Variants in FOXN3 observed in about 807,000 individuals in gnomAD.
FOXN3 encodes forkhead box protein N3.
In FOXN3, 7 loss-of-function variants were observed where a neutral mutation model predicts 38.4. The ratio of observed to expected loss-of-function variants is 0.18; its 90% CI spans 0.10 to 0.34. The LOEUF is 0.34. Among genes scored for constraint, FOXN3 ranks in the 10% least tolerant of loss-of-function variants. The pLI is 1.00. For synonymous variants in FOXN3, 230 were observed against 242.2 expected (o/e 0.95, Z 0.47); for missense variants, 456 against 613.4 (o/e 0.74, Z 2.71).
chr14:89,260,353 C>T (rs574275583), intron 4 of FOXN3, among the ~76,000 whole-genome samples: 119 of 152,366 alleles, frequency 7.8e-4, no homozygotes, highest in African/African-American at 2.7e-3. Flanking sequence ...CCCGGTGAGG[C>T]CAGGTCTCTG....
chr14:89,404,276 G>A (rs1166308790), intron 2 of FOXN3, among the ~76,000 whole-genome samples: 2 of 151,690 alleles, frequency 1.3e-5, no homozygotes, highest in African/African-American at 4.8e-5. Flanking sequence ...TTGGGAGGCC[G>A]AGGCGGGCAG....
At chr14:89,475,084 G>A (rs912006669) in intron 1 of FOXN3, among the ~76,000 whole-genome samples, 5 of 152,124 alleles carry the variant, frequency 3.3e-5, no homozygotes, top group Admixed American at 2.0e-4. Context: ...TAAGTGCTGG[G>A]ATTACAGGCG....
At chr14:89,311,641 C>A (rs866947169) in intron 3 of FOXN3, among the ~76,000 whole-genome samples, 5 of 150,544 alleles carry the variant, frequency 3.3e-5, no homozygotes, top group South Asian at 2.1e-4. Flanking sequence ...CCTGGCTAAC[C>A]GGATGAAACC....
chr14:89,282,045 T>C (rs1183440973), intron 3 of FOXN3, among the ~76,000 whole-genome samples: 1 of 152,110 alleles, frequency 6.6e-6, no homozygotes, highest in African/African-American at 2.4e-5. Flanking sequence ...TCTCTAGTTA[T>C]CTAGGACAGC....
intron 1 of FOXN3, among the ~76,000 whole-genome samples, chr14:89,528,554 G>T (rs187578918): frequency 0.026 from 3,913 of 151,870 alleles, 86 homozygotes; most frequent in Non-Finnish European, 0.044. Context: ...GTGCCACCAT[G>T]CCTGGCTAAT....
intron 2 of FOXN3, among the ~76,000 whole-genome samples, chr14:89,364,229 T>G (rs1890058930): frequency 6.9e-6 from 1 of 145,870 alleles, no homozygotes; most frequent in Non-Finnish European, 1.5e-5. Context: ...CATAACAAGA[T>G]CGACAATTAC....
intron 1 of FOXN3, among the ~76,000 whole-genome samples, chr14:89,555,838 G>GGTGTGTGTGTGTGTGTGT (rs201016882): frequency 0.011 from 1,016 of 89,630 alleles, 75 homozygotes; most frequent in African/African-American, 0.017. Context: ...TCTAGTTCAT[G>GGTGTGTGTGTGTGTGTGT]GTGTGTGTGT....
At chr14:89,345,226 C>T (rs1349868577) in intron 3 of FOXN3, among the ~76,000 whole-genome samples, 2 of 152,134 alleles carry the variant, frequency 1.3e-5, no homozygotes, top group Non-Finnish European at 2.9e-5. Context: ...AGCAAGAGCC[C>T]TTCACAATCA....
intron 4 of FOXN3, among the ~76,000 whole-genome samples, chr14:89,259,748 C>T (rs866207773): frequency 1.4e-4 from 22 of 152,158 alleles, no homozygotes; most frequent in Non-Finnish European, 2.2e-4. Flanking sequence ...GACCAGGGCT[C>T]GGCAGAAACT....
chr14:89,200,462 A>G (rs76080583), intron 4 of FOXN3, among the ~76,000 whole-genome samples: 4 of 152,290 alleles, frequency 2.6e-5, no homozygotes, highest in East Asian at 1.9e-4. Context: ...AGGCGCCCCA[A>G]TTCTAAGGTG....
intron 1 of FOXN3, among the ~76,000 whole-genome samples, chr14:89,535,035 TC>T (rs1234907976): frequency 6.6e-6 from 1 of 152,170 alleles, no homozygotes; most frequent in Non-Finnish European, 1.5e-5. Context: ...TAATATTCCT[TC>T]CCATTAAGGC....
At chr14:89,482,568 C>A (rs911274432) in intron 1 of FOXN3, among the ~76,000 whole-genome samples, 1 of 151,390 alleles carries the variant, frequency 6.6e-6, no homozygotes, top group African/African-American at 2.4e-5. Flanking sequence ...AAGCCATGAT[C>A]ACGCCACTGC....
At chr14:89,558,739 C>T (rs548858320) in intron 1 of FOXN3, among the ~76,000 whole-genome samples, 10 of 152,280 alleles carry the variant, frequency 6.6e-5, no homozygotes, top group African/African-American at 2.4e-4. Context: ...TTCTGGAGCT[C>T]GGACCCAGCC....
chr14:89,498,828 G>C (rs997522522), intron 1 of FOXN3, among the ~76,000 whole-genome samples: 3 of 151,246 alleles, frequency 2.0e-5, no homozygotes, highest in African/African-American at 7.3e-5. Flanking sequence ...GCACACAGAG[G>C]GTGGGGGGAA....
chr14:89,564,285 T>A (rs1895305199), intron 1 of FOXN3, among the ~76,000 whole-genome samples: 1 of 152,114 alleles, frequency 6.6e-6, no homozygotes, highest in Non-Finnish European at 1.5e-5. Context: ...TATACAAAAA[T>A]AAATAGAATT....
At chr14:89,228,798 C>T (rs1884715543) in intron 4 of FOXN3, among the ~76,000 whole-genome samples, 1 of 152,132 alleles carries the variant, frequency 6.6e-6, no homozygotes, top group Admixed American at 6.5e-5. Context: ...TCCAAATGTC[C>T]TTTGGAGTGA....
chr14:89,354,282 C>T (rs1436108134), intron 2 of FOXN3, among the ~76,000 whole-genome samples: 1 of 151,280 alleles, frequency 6.6e-6, no homozygotes, highest in Non-Finnish European at 1.5e-5. Flanking sequence ...GGCTGGAGCG[C>T]AGTGGCACAA....
chr14:89,348,970 A>C (rs371488130), intron 3 of FOXN3, among the ~76,000 whole-genome samples: 2 of 152,176 alleles, frequency 1.3e-5, no homozygotes, highest in Admixed American at 6.5e-5. Context: ...TGACCCAGTG[A>C]GTAACACTCA....
intron 1 of FOXN3, among the ~76,000 whole-genome samples, chr14:89,431,435 T>G (rs1005532184): frequency 6.6e-6 from 1 of 151,992 alleles, no homozygotes; most frequent in African/African-American, 2.4e-5. Flanking sequence ...GGTCTTGAAC[T>G]CCTGACCTCA....
Sources: allele counts gnomAD v4.1 joint callset (sites outside exome capture counted in the v4.1 genomes callset), GRCh38; gene constraint gnomAD v4.1.1; transcripts MANE v1.5; gene names NCBI Gene and HGNC (gene_info 2026-07-23, HGNC 2026-07-21).